The following SVIL variants were observed in gnomAD, a reference collection of about 807,000 sequenced individuals.
The protein encoded by SVIL is supervillin, also known as archvillin.
SVIL carries 101 observed loss-of-function variants against 240.4 expected under a neutral mutation model. That is an observed-to-expected ratio of 0.42 (90% CI 0.36 to 0.50). The LOEUF is 0.50. Among genes scored for constraint, SVIL ranks in the 20% least tolerant of loss-of-function variants. The pLI, the probability that SVIL is intolerant of heterozygous loss-of-function variation, is 0.01. For synonymous variants in SVIL, 999 were observed against 1,100.0 expected, an observed-to-expected ratio of 0.91 and a Z score of 1.82; for missense variants, 2,512 against 2,818.7, an observed-to-expected ratio of 0.89 and a Z score of 2.46.
chr10:29,702,974 A>C (rs1424908822), intron 1 of SVIL, among the ~76,000 whole-genome samples: 2 of 152,088 alleles, frequency 1.3e-5, no homozygotes, highest in Non-Finnish European at 2.9e-5. Flanking sequence ...AATGAGTCTT[A>C]TTTCCTTTCA....
At chr10:29,526,277 CT>C (rs370630549) in intron 13 of SVIL, among the ~76,000 whole-genome samples, 5 of 135,912 alleles carry the variant, frequency 3.7e-5, no homozygotes, top group East Asian at 2.1e-4. Context: ...TCTCATTTTT[CT>C]TTTTTTTTCT....
chr10:29,626,317 G>C (rs980450000), intron 1 of SVIL, among the ~76,000 whole-genome samples: 2 of 152,186 alleles, frequency 1.3e-5, no homozygotes, highest in African/African-American at 4.8e-5. Context: ...TGAAGATCAA[G>C]AGAATCGCTC....
At chr10:29,471,013 A>G in intron 31 of SVIL, 125 bp downstream of exon 31, 3 of 863,236 alleles carry the variant, frequency 3.5e-6, no homozygotes, top group Non-Finnish European at 5.7e-6. Context: ...GGCAAACATC[A>G]GGAGGCTTTC....
Position 29,462,923 on chromosome 10 carries a change from AAATT to A in SVIL, c.6278-526_6278-523del, listed in dbSNP as rs577241494. ...ACTAGTTGTGTCAATGAAACCATAAAAATTAAATAAGATTAATTACTGGCATTTT... is the reference window on the plus strand; with the variant it reads ...ACTAGTTGTGTCAATGAAACCATAAAAAATAAGATTAATTACTGGCATTTT... On this transcript the variant is annotated intron_variant, in intron 35 of 37. Coordinates refer to ENST00000355867, the MANE Select transcript of SVIL (RefSeq NM_021738.3). Among the ~76,000 whole-genome samples, 359 of 128,942 alleles carry A rather than the reference AAATT, an allele frequency of 2.8e-3. 4 individuals are homozygous for A. The highest frequency in any genetic ancestry group is 6.3e-4 in the Non-Finnish European group (37 of 59,196). 84.6% of individuals were successfully genotyped at this position (128,942 alleles called of 152,430 possible).
intron 1 of SVIL, among the ~76,000 whole-genome samples, chr10:29,718,681 G>C (rs1342013979): frequency 6.6e-6 from 1 of 152,186 alleles, no homozygotes; most frequent in East Asian, 1.9e-4. Context: ...GAAGTCCAGA[G>C]ATTTATCTTT....
chr10:29,477,132 G>A (rs1020816774), intron 29 of SVIL, among the ~76,000 whole-genome samples: 2 of 152,154 alleles, frequency 1.3e-5, no homozygotes, highest in African/African-American at 4.8e-5. Context: ...TGAAGTGCTG[G>A]GATTACAGGC....
At chr10:29,571,671 C>T (rs1281773322) in intron 1 of SVIL, among the ~76,000 whole-genome samples, 10 of 152,152 alleles carry the variant, frequency 6.6e-5, no homozygotes, top group Admixed American at 6.5e-4. Context: ...TATTAGATTG[C>T]CCCCGCTTAA....
In SVIL at chr10:29,735,347, A is replaced by C. The variant is rs952043849; in HGVS notation, c.-400+404T>G. Among the ~76,000 whole-genome samples the C allele has an allele frequency of 6.8e-6, 1 of 146,802 alleles. No homozygotes were observed. Among genetic ancestry groups the C allele is most frequent in the Non-Finnish European group, 1.5e-5 (1 of 66,562 alleles). ...TCGTAGTTCTGATCACTGGCGCGCCACTCCCCGGGCCACCCGCCTCCCCGC... is the reference window on the plus strand; with the variant it reads ...TCGTAGTTCTGATCACTGGCGCGCCCCTCCCCGGGCCACCCGCCTCCCCGC... On this transcript the variant is annotated intron_variant, in intron 1 of 35. Transcript: ENST00000375400. This position sits in a 1 kb window ranked among gnomAD's most constrained non-coding sequence, Gnocchi z 4.1.
At position 29,484,891 on chromosome 10, in the gene SVIL, G is replaced by A. The variant is rs1947246475; in HGVS notation, c.4780-60C>T. The A allele has an allele frequency of 9.3e-6, 14 of 1,503,040 alleles. No individual in the cohort carries two copies. The South Asian group carries it at 1.6e-4, about 17-fold the overall frequency. The allele number at this position is 1,503,040 out of a possible 1,614,324, so 93.1% of individuals were successfully genotyped here. On this transcript the variant is annotated intron_variant, in intron 26 of 37. Transcript: ENST00000355867. This position sits in a 1 kb window ranked among gnomAD's most constrained non-coding sequence, Gnocchi z 4.7. The stretch of plus-strand genomic sequence containing the variant: ...CAAGAACATGCAACAGTTGAATCAG[G>A]TGCAACAGGGTCTCTTGTTGACAGT...
chr10:29,715,349 C>G (rs1283952241), intron 1 of SVIL, among the ~76,000 whole-genome samples: 1 of 152,074 alleles, frequency 6.6e-6, no homozygotes, highest in African/African-American at 2.4e-5. Context: ...TTTTTGAAAA[C>G]CTTCCTAGCC....
rs71023507 is a variant in SVIL, at chr10:29,729,833, C to CAA, written c.-400+5916_-400+5917dup. ...TGGGTGGCAGAGTGAGACTCCATCTCAAAAAAAAAAAAAAAAAAAAAAAAA... is the reference window on the plus strand; with the variant it reads ...TGGGTGGCAGAGTGAGACTCCATCTCAAAAAAAAAAAAAAAAAAAAAAAAAAA... On this transcript the variant is annotated intron_variant, in intron 1 of 35. Transcript: ENST00000375400. Among the ~76,000 whole-genome samples the CAA allele has an allele frequency of 1.3e-3, 42 of 32,516 alleles. 1 individual carries two copies. The highest frequency in any genetic ancestry group is 2.0e-3 in the South Asian group (1 of 504). The allele number at this position is 32,516 out of a possible 152,430, so 21.3% of individuals were successfully genotyped here. A position where few individuals can be genotyped will look rare whatever the true frequency, so the allele number is the denominator to read the frequency against.
intron 1 of SVIL, among the ~76,000 whole-genome samples, chr10:29,612,181 G>T (rs1198752603): frequency 6.6e-6 from 1 of 152,152 alleles, no homozygotes; most frequent in African/African-American, 2.4e-5. Context: ...CCAGCCAGGT[G>T]GTGAGGTCAT....
intron 6 of SVIL, chr10:29,545,212 A>G: frequency 2.3e-6 from 1 of 432,962 alleles, no homozygotes; most frequent in Non-Finnish European, 4.7e-6. Context: ...AAATGCAATC[A>G]GAAATAAACT....
intron 1 of SVIL, among the ~76,000 whole-genome samples, chr10:29,730,621 G>A (rs899158003): frequency 9.2e-5 from 14 of 152,168 alleles, no homozygotes; most frequent in Non-Finnish European, 2.1e-4. Flanking sequence ...AGAGATACAT[G>A]AATGTGTAAA....
chr10:29,550,217 T>C lies in SVIL; in HGVS notation c.827+380A>G, dbSNP rs187458259. Among the ~76,000 whole-genome samples, 1,285 of 151,604 alleles carry C rather than the reference T, an allele frequency of 8.5e-3. 18 individuals carry two copies. Among genetic ancestry groups the C allele is most frequent in the Non-Finnish European group, 0.013 (895 of 67,874 alleles). ...CACTGGGAGGTCAAACAAGAGAATC[T>C]CTTGTGGCCAGGAATTTGTGATCAG... On this transcript the variant is annotated intron_variant, in intron 6 of 37. Coordinates refer to ENST00000355867, the MANE Select transcript of SVIL (RefSeq NM_021738.3).
chr10:29,569,474 C>A (rs1955270648), intron 1 of SVIL, among the ~76,000 whole-genome samples, 162 bp from the exon 2 acceptor site: 1 of 152,144 alleles, frequency 6.6e-6, no homozygotes. Context: ...TTCTAAGAAT[C>A]AAATTCCACA....
intron 1 of SVIL, among the ~76,000 whole-genome samples, chr10:29,728,542 G>A (rs1273968338): frequency 6.6e-6 from 1 of 152,054 alleles, no homozygotes; most frequent in East Asian, 1.9e-4. Flanking sequence ...AGAAGGGTTT[G>A]CAAATTGTTA....
At chr10:29,661,089 C>T (rs944710190) in intron 2 of SVIL, among the ~76,000 whole-genome samples, 2 of 151,470 alleles carry the variant, frequency 1.3e-5, no homozygotes, top group Admixed American at 1.3e-4. Flanking sequence ...ATCGCTTGAA[C>T]CAGGGAGTCG....
chr10:29,592,837 A>G (rs895961532), intron 1 of SVIL, among the ~76,000 whole-genome samples: 3 of 152,192 alleles, frequency 2.0e-5, no homozygotes, highest in African/African-American at 4.8e-5. Context: ...ATCAAGGCCT[A>G]GATTAAAGTT....
Sources: allele counts gnomAD v4.1 joint callset (sites outside exome capture counted in the v4.1 genomes callset), GRCh38; gene constraint gnomAD v4.1.1; non-coding constraint Gnocchi (gnomAD v3.1); transcripts MANE v1.5; gene names NCBI Gene and HGNC (gene_info 2026-07-23, HGNC 2026-07-21).